Variants in DPH6 observed in about 807,000 individuals in gnomAD.
DPH6 encodes diphthamine biosynthesis 6, also known as diphthine--ammonia ligase.
In DPH6, 33 loss-of-function variants were observed where a neutral mutation model predicts 38.2. That is an observed-to-expected ratio of 0.86 (90% confidence interval 0.65 to 1.15). The LOEUF (loss-of-function observed/expected upper bound fraction) is 1.15. Ranked by LOEUF, DPH6 falls within the 50% of genes most tolerant of loss-of-function variation. The pLI, the probability that DPH6 is intolerant of heterozygous loss-of-function variation, is 0.00. For synonymous variants in DPH6, 108 were observed against 103.0 expected (o/e 1.05, Z -0.30); for missense variants, 325 against 320.0 (o/e 1.02, Z -0.12).
At chr15:35,356,918 C>T (rs1237466496) in intron 3 of DPH6, among the ~76,000 whole-genome samples, 2 of 152,220 alleles carry the variant, frequency 1.3e-5, no homozygotes, top group African/African-American at 2.4e-5. Context: ...CCTTGAGCTG[C>T]AGTGGGCTCC....
intron 3 of DPH6, among the ~76,000 whole-genome samples, chr15:35,245,002 T>G (rs144349810): frequency 0.01 from 1,550 of 152,220 alleles, 84 homozygotes; most frequent in Admixed American, 0.093. Flanking sequence ...AATCTGACAC[T>G]CATGAAAAAT....
At chr15:35,283,756 G>GCACACACACACACACACA (rs757887783) in intron 3 of DPH6, among the ~76,000 whole-genome samples, 18 of 123,606 alleles carry the variant, frequency 1.5e-4, no homozygotes, top group Non-Finnish European at 2.1e-4. Flanking sequence ...GGCACAGATA[G>GCACACACACACACACACA]TACACACACA....
At chr15:35,354,420 T>C (rs949281635) in intron 3 of DPH6, among the ~76,000 whole-genome samples, 2 of 152,218 alleles carry the variant, frequency 1.3e-5, no homozygotes, top group African/African-American at 4.8e-5. Context: ...TGTGGGTTTG[T>C]CATAGATAGC....
rs577752783 is a variant in DPH6, at chr15:35,489,233, C to T, written c.313-34413G>A. The T allele has an allele frequency of 6.3e-4, 389 of 617,080 alleles. 2 individuals carry two copies. In the African/African-American group the frequency reaches 7.5e-3, roughly 12 times the overall value. The allele number at this position is 617,080 out of a possible 1,614,324, so 38.2% of individuals were successfully genotyped here. ...TATAATCTTGGAAACCACAGAGCAG[C>T]CATATTTTTTACCATGTGATCTGGG... is the stretch of plus-strand genomic sequence containing the variant. On this transcript the variant is annotated intron_variant, in intron 3 of 8. Transcript: ENST00000256538.
At chr15:35,430,518 T>G (rs1351510995) in intron 5 of DPH6, among the ~76,000 whole-genome samples, 1 of 149,488 alleles carries the variant, frequency 6.7e-6, no homozygotes, top group Admixed American at 6.7e-5. Context: ...TCTGATAAGA[T>G]CTTTTCTTTA....
chr15:35,279,540 T>A (rs2051884672), intron 3 of DPH6, among the ~76,000 whole-genome samples: 1 of 152,088 alleles, frequency 6.6e-6, no homozygotes, highest in Non-Finnish European at 1.5e-5. Context: ...GTCCTCCCCA[T>A]AAGTGGGCTC....
intron 3 of DPH6, among the ~76,000 whole-genome samples, chr15:35,464,167 G>A (rs572616411): frequency 2.3e-4 from 35 of 152,066 alleles, no homozygotes; most frequent in Middle Eastern, 3.4e-3. Flanking sequence ...GGTGGCACGC[G>A]CCTGTAATCC....
chr15:35,265,028 AACAGT>A (rs2051774350), intron 3 of DPH6, among the ~76,000 whole-genome samples: 1 of 152,192 alleles, frequency 6.6e-6, no homozygotes, highest in Non-Finnish European at 1.5e-5. Context: ...TACTGAGAGA[AACAGT>A]TATGTCATTC....
At chr15:35,212,561 AG>A (rs2051393772), downstream of DPH6, among the ~76,000 whole-genome samples, 1 of 152,204 alleles carries the variant, frequency 6.6e-6, no homozygotes, top group South Asian at 2.1e-4. Context: ...CTTTACAAAT[AG>A]TTTGCTTAGT....
Position 35,232,187 on chromosome 15 carries a change from T to A in DPH6, n.201-11605A>T, listed in dbSNP as rs559008363. 5.3e-5 allele frequency among the ~76,000 whole-genome samples: 8 copies of A among 152,264 alleles called. No homozygotes were observed. In the South Asian group the frequency reaches 1.7e-3, roughly 32 times the overall value. ...GTATATGACCAAGAGATTTAGTGTC[T>A]TTGGATGAAAAAGAGTAGGTCAAGT... On this transcript the variant is annotated intron_variant and non_coding_transcript_variant, in intron 3 of 3. Coordinates refer to the DPH6 transcript ENST00000560386.
intron 3 of DPH6, among the ~76,000 whole-genome samples, chr15:35,284,154 C>T (rs1175944162): frequency 6.6e-6 from 1 of 152,194 alleles, no homozygotes; most frequent in Non-Finnish European, 1.5e-5. Context: ...CTTTTGTCAT[C>T]TATCCTCACT....
At chr15:35,409,715 G>C (rs1262256505) in intron 6 of DPH6, among the ~76,000 whole-genome samples, 2 of 151,802 alleles carry the variant, frequency 1.3e-5, no homozygotes, top group Admixed American at 6.6e-5. Context: ...ATATAATGGA[G>C]CTACAGAACA....
intron 5 of DPH6, among the ~76,000 whole-genome samples, chr15:35,448,056 T>C (rs2053879820): frequency 6.6e-6 from 1 of 152,318 alleles, no homozygotes; most frequent in Non-Finnish European, 1.5e-5. Context: ...TTTCCAGTAA[T>C]AGGTAAAAGT....
chr15:35,259,002 C>T (rs1157263682), intron 3 of DPH6, among the ~76,000 whole-genome samples: 1 of 151,994 alleles, frequency 6.6e-6, no homozygotes, highest in Non-Finnish European at 1.5e-5. Flanking sequence ...CAAAAATTAG[C>T]TGTGCGTGGT....
chr15:35,312,229 A>C (rs577312490), intron 3 of DPH6, among the ~76,000 whole-genome samples: 2 of 152,222 alleles, frequency 1.3e-5, no homozygotes, highest in African/African-American at 2.4e-5. Context: ...AAATGAGCTG[A>C]AGAATAAGAA....
At chr15:35,540,429 C>T (rs533611811) in intron 2 of DPH6, among the ~76,000 whole-genome samples, 1 of 152,164 alleles carries the variant, frequency 6.6e-6, no homozygotes, top group South Asian at 2.1e-4. Flanking sequence ...CTCTACCAGT[C>T]ATTCCTCACT....
At chr15:35,391,146 G>T (rs192496749) in intron 6 of DPH6, among the ~76,000 whole-genome samples, 33 of 152,310 alleles carry the variant, frequency 2.2e-4, no homozygotes, top group African/African-American at 7.5e-4. Context: ...AGCGGAGGCT[G>T]CAGAACAGTG....
At chr15:35,320,435 C>G (rs1045039941) in intron 3 of DPH6, among the ~76,000 whole-genome samples, 2 of 152,112 alleles carry the variant, frequency 1.3e-5, no homozygotes, top group Non-Finnish European at 2.9e-5. Flanking sequence ...AGGGGAGACT[C>G]TACGCAATCA....
intron 6 of DPH6, among the ~76,000 whole-genome samples, chr15:35,397,955 T>C (rs1380311410): frequency 6.6e-6 from 1 of 150,488 alleles, no homozygotes; most frequent in African/African-American, 2.5e-5. Flanking sequence ...AATCAACTCC[T>C]AGAAAAAAGC....
Sources: allele counts gnomAD v4.1 joint callset (sites outside exome capture counted in the v4.1 genomes callset), GRCh38; gene constraint gnomAD v4.1.1; transcripts MANE v1.5; gene names NCBI Gene and HGNC (gene_info 2026-07-23, HGNC 2026-07-21).